ZBTB20: variants seen among roughly 807,000 people sequenced by gnomAD.
The protein encoded by ZBTB20 is zinc finger and BTB domain-containing protein 20.
Under a neutral mutation model 56.9 loss-of-function variants are expected in ZBTB20, and 9 were observed. That is an observed-to-expected ratio of 0.16 (90% CI 0.10 to 0.28). The LOEUF is 0.28. ZBTB20 is among the 10% of genes least tolerant of loss of function. The pLI is 1.00. For missense variants in ZBTB20, 655 were observed against 1,003.0 expected (o/e 0.65, Z 4.69); for synonymous variants, 417 against 420.7 (o/e 0.99, Z 0.11).
intron 1 of ZBTB20, among the ~76,000 whole-genome samples, chr3:115,074,246 T>G (rs572184020): frequency 2.9e-4 from 44 of 152,304 alleles, no homozygotes; most frequent in African/African-American, 1.0e-3. Context: ...ATTCAGTCTT[T>G]CACAGTGTGG....
chr3:114,969,945 C>G (rs2077804337), intron 3 of ZBTB20, among the ~76,000 whole-genome samples: 2 of 152,162 alleles, frequency 1.3e-5, no homozygotes, highest in Admixed American at 6.5e-5. Context: ...ATGAGACTTG[C>G]ACATGTAAAT....
chr3:115,057,933 T>C (rs1485866396), intron 2 of ZBTB20, among the ~76,000 whole-genome samples: 1 of 152,064 alleles, frequency 6.6e-6, no homozygotes, highest in Admixed American at 6.6e-5. Context: ...ACAGCTGGGG[T>C]GGCCTCAGGA....
intron 1 of ZBTB20, among the ~76,000 whole-genome samples, chr3:115,080,787 G>A (rs1197478964): frequency 6.6e-6 from 1 of 152,044 alleles, no homozygotes; most frequent in Non-Finnish European, 1.5e-5. Context: ...TTTTCCTCAA[G>A]ATCTGCTAGT....
chr3:114,374,348 C>T (rs1364483990), intron 10 of ZBTB20, among the ~76,000 whole-genome samples: 1 of 152,282 alleles, frequency 6.6e-6, no homozygotes, highest in Non-Finnish European at 1.5e-5. Context: ...CTTAGTTGTA[C>T]CAAAGACACT....
intron 1 of ZBTB20, among the ~76,000 whole-genome samples, chr3:115,131,075 A>C (rs1261703149): frequency 6.6e-6 from 1 of 152,112 alleles, no homozygotes; most frequent in Non-Finnish European, 1.5e-5. Flanking sequence ...ATTTTTATTT[A>C]TGCATTTATA....
At chr3:114,764,082 T>C (rs1488324405) in intron 5 of ZBTB20, among the ~76,000 whole-genome samples, 6 of 152,152 alleles carry the variant, frequency 3.9e-5, no homozygotes, top group Non-Finnish European at 8.8e-5. Context: ...AAGTGATTTT[T>C]AGCAGGCTGT....
rs547928397 is a variant in ZBTB20 at position 114,449,556 on chromosome 3, C to CAACAA, written c.-255+50791_-255+50795dup. Among the ~76,000 whole-genome samples the CAACAA allele has an allele frequency of 3.9e-3, 586 of 151,418 alleles. 3 individuals are homozygous for CAACAA. Among genetic ancestry groups the CAACAA allele is most frequent in the African/African-American group, 0.013 (526 of 41,268 alleles). On this transcript the variant is annotated intron_variant, in intron 7 of 11. Transcript: ENST00000675478. ...GAATATTCTTCGATAGCGATGACAA[C>CAACAA]AACAAAACAAAACAAAACAAAACAA...
chr3:114,652,819 G>A (rs1384862389), intron 6 of ZBTB20, among the ~76,000 whole-genome samples: 2 of 151,860 alleles, frequency 1.3e-5, no homozygotes, highest in South Asian at 2.1e-4. Flanking sequence ...TATAAATAAC[G>A]GATTTTTCTC....
Position 114,337,480 on chromosome 3 carries a change from C to G in ZBTB20, c.*1525G>C, listed in dbSNP as rs770227704. The G allele has an allele frequency of 2.6e-5, 4 of 152,168 alleles. No individual in the cohort carries two copies. Among genetic ancestry groups the G allele is most frequent in the Non-Finnish European group, 4.4e-5 (3 of 68,028 alleles). The allele number at this position is 152,168 out of a possible 1,614,324, so 9.4% of individuals were successfully genotyped here. A position where few individuals can be genotyped will look rare whatever the true frequency, so the allele number is the denominator to read the frequency against. On this transcript the variant is annotated 3_prime_UTR_variant, in exon 12 of 12. Transcript: ENST00000675478. ...ATGAAATTTTGGAGAAGCAAGCAAT[C>G]TCTTTCTGAAAGATAAAGTCTCTTC... is the stretch of plus-strand genomic sequence containing the variant.
At position 114,638,564 on chromosome 3, in the gene ZBTB20, T is replaced by C. The variant is rs115907879; in HGVS notation, c.-295+54964A>G. On this transcript the variant is annotated intron_variant, in intron 6 of 11. Coordinates refer to ENST00000675478, the MANE Select transcript of ZBTB20 (RefSeq NM_001348800.3). ...GTTCTTCCTAACTAGATAACAGACA[T>C]TGGTCACATTCTTGGCACTTCATAA... 9.6e-3 allele frequency among the ~76,000 whole-genome samples: 1,467 copies of C among 152,174 alleles called. 19 individuals are homozygous for C. Among genetic ancestry groups the C allele is most frequent in the African/African-American group, 0.033 (1,385 of 41,550 alleles).
intron 5 of ZBTB20, among the ~76,000 whole-genome samples, chr3:114,712,742 A>G (rs1030292185): frequency 3.9e-5 from 6 of 152,220 alleles, no homozygotes; most frequent in Admixed American, 3.9e-4. Context: ...TGTTCACGAA[A>G]TCAAAGCCTT....
chr3:114,642,058 A>T (rs1337702169), intron 6 of ZBTB20, among the ~76,000 whole-genome samples: 3 of 152,012 alleles, frequency 2.0e-5, no homozygotes, highest in Admixed American at 2.0e-4. Flanking sequence ...CAAGATTTTC[A>T]GGTATGCACA....
At chr3:114,604,238 C>T (rs2056975685) in intron 6 of ZBTB20, among the ~76,000 whole-genome samples, 1 of 151,856 alleles carries the variant, frequency 6.6e-6, no homozygotes, top group Admixed American at 6.6e-5. Context: ...TAGCAAAAGA[C>T]CTCTAAGAGA....
rs146290834 is a variant in ZBTB20, at chr3:114,711,380, TA to T, written c.-342-17806del. Among the ~76,000 whole-genome samples, 1,170 of 152,330 alleles carry T rather than the reference TA, an allele frequency of 7.7e-3. 10 individuals carry two copies. The highest frequency in any genetic ancestry group is 0.026 in the African/African-American group (1,061 of 41,572). The stretch of plus-strand genomic sequence containing the variant: ...GATGAATAAAGTGTTCCAGTACTTA[TA>T]AATCTCATCCCAGTCACATAAACTT... On this transcript the variant is annotated intron_variant, in intron 5 of 11. Coordinates refer to ENST00000675478, the MANE Select transcript of ZBTB20 (RefSeq NM_001348800.3).
chr3:114,818,858 A>T (rs1460014800), intron 4 of ZBTB20, among the ~76,000 whole-genome samples: 7 of 152,020 alleles, frequency 4.6e-5, no homozygotes, highest in African/African-American at 1.7e-4. Context: ...CAGGAATAAG[A>T]AAGGAAATAG....
intron 11 of ZBTB20, among the ~76,000 whole-genome samples, chr3:114,340,530 G>A (rs1240901256): frequency 2.0e-5 from 3 of 152,208 alleles, no homozygotes; most frequent in African/African-American, 7.2e-5. Flanking sequence ...GTTACAAACA[G>A]TAAGGTAAAT....
At chr3:114,784,868 T>C (rs901926247) in intron 5 of ZBTB20, among the ~76,000 whole-genome samples, 12 of 152,196 alleles carry the variant, frequency 7.9e-5, no homozygotes, top group African/African-American at 2.9e-4. Context: ...ACACTAATTA[T>C]AACAATAGCT....
chr3:114,949,783 A>T (rs2077002556), intron 3 of ZBTB20, among the ~76,000 whole-genome samples: 1 of 152,042 alleles, frequency 6.6e-6, no homozygotes, highest in Non-Finnish European at 1.5e-5. Context: ...GAAAAAAAAG[A>T]CAATTATAAG....
chr3:114,368,052 T>TAA (rs2082604969), intron 10 of ZBTB20, among the ~76,000 whole-genome samples: 1 of 152,214 alleles, frequency 6.6e-6, no homozygotes, highest in South Asian at 2.1e-4. Flanking sequence ...TTCAAGCACT[T>TAA]AAAACTGTAG....
Sources: allele counts gnomAD v4.1 joint callset (sites outside exome capture counted in the v4.1 genomes callset), GRCh38; gene constraint gnomAD v4.1.1; transcripts MANE v1.5; gene names NCBI Gene and HGNC (gene_info 2026-07-23, HGNC 2026-07-21).